The following GNB5 variants were observed in gnomAD, a reference collection of about 807,000 sequenced individuals.
GNB5 encodes the protein guanine nucleotide-binding protein subunit beta-5.
GNB5 carries 37 observed loss-of-function variants against 55.3 expected under a neutral mutation model. The observed-to-expected ratio is 0.67, with a 90% CI of 0.51 to 0.88. The LOEUF (loss-of-function observed/expected upper bound fraction) is 0.88. Ranked by LOEUF, GNB5 falls within the 40% of genes least tolerant of loss-of-function variation. GNB5 has a pLI of 0.00. For synonymous variants in GNB5, 219 were observed against 198.5 expected, an observed-to-expected ratio of 1.10 and a Z score of -0.87; for missense variants, 476 against 515.3, an observed-to-expected ratio of 0.92 and a Z score of 0.74.
intron 7 of GNB5, chr15:52,137,554 G>A: frequency 9.7e-7 from 1 of 1,030,102 alleles, no homozygotes; most frequent in Non-Finnish European, 1.2e-6. Context: ...GGCCCAAAGA[G>A]CCTCTGGATA....
intron 1 of GNB5, among the ~76,000 whole-genome samples, chr15:52,189,391 C>T (rs892980994): frequency 1.3e-5 from 2 of 151,966 alleles, no homozygotes; most frequent in Non-Finnish European, 2.9e-5. Context: ...TGAGGTCAGC[C>T]TGGGCAACAT....
At chr15:52,186,839 C>T (rs1288348158) in intron 1 of GNB5, among the ~76,000 whole-genome samples, 2 of 152,122 alleles carry the variant, frequency 1.3e-5, no homozygotes, top group African/African-American at 4.8e-5. Flanking sequence ...ATGAGTTGGG[C>T]TGAGCTCTTA....
At chr15:52,139,106 CT>C (rs2141198531) in intron 7 of GNB5, 1 of 152,272 alleles carries the variant, frequency 6.6e-6, no homozygotes, top group East Asian at 1.9e-4. Flanking sequence ...AGTACCCAAA[CT>C]AGGCCATGTA....
At chr15:52,186,843 G>A (rs1174124746) in intron 1 of GNB5, among the ~76,000 whole-genome samples, 2 of 152,086 alleles carry the variant, frequency 1.3e-5, no homozygotes, top group African/African-American at 4.8e-5. Context: ...GTTGGGCTGA[G>A]CTCTTACAGC....
chr15:52,135,886 C>CACACAT (rs2033693225), intron 7 of GNB5, 130 bp from the exon 8 acceptor site: 3 of 729,048 alleles, frequency 4.1e-6, no homozygotes, highest in South Asian at 3.2e-5. Flanking sequence ...CACACACACA[C>CACACAT]ACACACACCC....
In GNB5 at chr15:52,137,546, C is replaced by T. The variant is rs540630281; in HGVS notation, c.628-1790G>A. On this transcript the variant is annotated intron_variant, in intron 7 of 12. Transcript: ENST00000261837. The stretch of plus-strand genomic sequence containing the variant: ...ATGTTTTAGGAAACTCTGGCAGAGG[C>T]CCAAAGAGCCTCTGGATAGCTTACA... The T allele has an allele frequency of 5.8e-6, 6 of 1,026,110 alleles. No homozygotes were observed. In the South Asian group the frequency reaches 2.2e-4, roughly 37 times the overall value. 63.6% of individuals were successfully genotyped at this position (1,026,110 alleles called of 1,614,324 possible).
chr15:52,126,247 T>C, intron 10 of GNB5: 2 of 468,514 alleles, frequency 4.3e-6, no homozygotes, highest in South Asian at 8.4e-5. Context: ...TGATTCCTAT[T>C]AATCTCTATG....
chr15:52,139,720 G>A (rs1303856646), intron 7 of GNB5: 16 of 1,012,532 alleles, frequency 1.6e-5, no homozygotes, highest in Non-Finnish European at 2.0e-5. Flanking sequence ...GACCTACCCT[G>A]CCTCCCAGGC....
intron 3 of GNB5, among the ~76,000 whole-genome samples, chr15:52,177,769 C>T (rs2034681029): frequency 1.3e-5 from 2 of 152,060 alleles, no homozygotes; most frequent in East Asian, 3.9e-4. Context: ...GAAGCAAAGG[C>T]TTTATGCGGG....
intron 4 of GNB5, among the ~76,000 whole-genome samples, chr15:52,153,277 C>G (rs1049266082): frequency 6.6e-6 from 1 of 152,146 alleles, no homozygotes; most frequent in Non-Finnish European, 1.5e-5. Flanking sequence ...CAGCCAAGAG[C>G]CACGTGAACA....
intron 8 of GNB5, among the ~76,000 whole-genome samples, chr15:52,135,048 G>A (rs1311581422): frequency 6.6e-6 from 1 of 152,016 alleles, no homozygotes; most frequent in Non-Finnish European, 1.5e-5. Context: ...GTGCTTCTCT[G>A]AGTCTCTGTG....
At position 52,136,157 on chromosome 15, in the gene GNB5, CACACACACACACACA is replaced by C. The variant is rs1291682634; in HGVS notation, c.628-416_628-402del. 3.1e-3 allele frequency among the ~76,000 whole-genome samples: 415 copies of C among 135,000 alleles called. 4 individuals carry two copies. Among genetic ancestry groups the C allele is most frequent in the Middle Eastern group, 7.9e-3 (2 of 252 alleles). The allele number at this position is 135,000 out of a possible 152,430, so 88.6% of individuals were successfully genotyped here. A position where few individuals can be genotyped will look rare whatever the true frequency, so the allele number is the denominator to read the frequency against. On this transcript the variant is annotated intron_variant, in intron 7 of 12. Coordinates refer to ENST00000261837, the MANE Select transcript of GNB5 (RefSeq NM_016194.4). ...ACACACACACACACACACACACACA[CACACACACACACACA>C]CCCTACCTGCTGTATCTGGGTTCAT... is the stretch of plus-strand genomic sequence containing the variant.
At chr15:52,137,220 T>G in intron 7 of GNB5, 4 of 1,165,290 alleles carry the variant, frequency 3.4e-6, no homozygotes, top group Non-Finnish European at 3.2e-6. Context: ...CAAGTATTTC[T>G]GATGTTCGCT....
In GNB5 at chr15:52,133,421, C is replaced by A. The variant is rs201352368; in HGVS notation, c.820G>T (p.Val274Leu). 3.1e-6 allele frequency: 5 copies of A among 1,613,002 alleles called. No individual in the cohort carries two copies. The highest frequency in any genetic ancestry group is 4.2e-6 in the Non-Finnish European group (5 of 1,178,932). The change falls in exon 9 of 13, where the codon GTG (valine) becomes TTG (leucine). Residue 274 changes from valine to leucine, a missense_variant. By Grantham distance (32) the Val-to-Leu change is conservative (BLOSUM62 1). Transcript: ENST00000261837. ...MVWDMRSGQC[V>L]QAFETHESDI... ...GATTCATGTGTTTCAAAGGCCTGCA[C>A]GCACTGGCCGGAGCGCATGTCCCAC...
At chr15:52,146,671 C>T (rs1473118216) in intron 6 of GNB5, among the ~76,000 whole-genome samples, 1 of 151,886 alleles carries the variant, frequency 6.6e-6, no homozygotes, top group Non-Finnish European at 1.5e-5. Context: ...CTCAAGCAGT[C>T]CTCCCACCTC....
intron 3 of GNB5, among the ~76,000 whole-genome samples, chr15:52,166,006 G>C (rs1468998750): frequency 6.6e-6 from 1 of 152,122 alleles, no homozygotes. Flanking sequence ...AATTTACCAA[G>C]CAAATGGAAA....
Position 52,179,817 on chromosome 15 carries a change from G to A in GNB5, c.189C>T (p.Ser63=). ...TLASLKSEAE[S]LKGKLEEERA... ...GCTCCTCCTCCAGCTTGCCCTTGAG[G>A]CTCTCGGCCTCGCTCTTCAGCGACG... Residue 63 remains serine (S), a synonymous_variant, in exon 3 of 13, where the codon AGC becomes AGT. Transcript: ENST00000261837. The A allele has an allele frequency of 6.4e-7, 1 of 1,553,208 alleles. No homozygotes were observed. The highest frequency in any genetic ancestry group is 8.7e-7 in the Non-Finnish European group (1 of 1,151,068).
chr15:52,156,495 G>A (rs1474873829), intron 3 of GNB5, among the ~76,000 whole-genome samples: 1 of 152,258 alleles, frequency 6.6e-6, no homozygotes, highest in African/African-American at 2.4e-5. Context: ...ACTTTGGGAG[G>A]CCAAGGTAGG....
chr15:52,187,946 C>T (rs958253500), intron 1 of GNB5, among the ~76,000 whole-genome samples: 7 of 148,514 alleles, frequency 4.7e-5, no homozygotes, highest in African/African-American at 1.8e-4. Flanking sequence ...GAGACTCCAT[C>T]TCAAAGAAAA....
Sources: gnomAD v4.1 joint callset for allele counts (sites outside exome capture counted in the v4.1 genomes callset) on GRCh38, gnomAD v4.1.1 for gene constraint, MANE v1.5 for transcripts, NCBI Gene and HGNC (gene_info 2026-07-23, HGNC 2026-07-21) for gene names.